Variants in FGF12 observed in about 807,000 individuals in gnomAD.
FGF12 encodes the protein fibroblast growth factor 12B.
A neutral mutation model predicts 23.6 loss-of-function variants in FGF12; 14 were observed. The observed-to-expected ratio is 0.59, with a 90% CI of 0.39 to 0.93. The LOEUF (loss-of-function observed/expected upper bound fraction) is 0.93, where lower values mean the gene tolerates loss of function less well. Ranked by LOEUF, FGF12 falls within the 40% of genes least tolerant of loss-of-function variation. FGF12 has a pLI of 0.00. For synonymous variants in FGF12, 62 were observed against 77.3 expected (o/e 0.80, Z 1.04); for missense variants, 175 against 217.8 (o/e 0.80, Z 1.24).
At chr3:192,665,159 T>C (rs1716818070) in intron 2 of FGF12, among the ~76,000 whole-genome samples, 1 of 152,172 alleles carries the variant, frequency 6.6e-6, no homozygotes, top group African/African-American at 2.4e-5. Flanking sequence ...AAATGCATGT[T>C]ACACATTAGT....
At chr3:192,440,123 T>C (rs1722161549) in intron 2 of FGF12, among the ~76,000 whole-genome samples, 1 of 152,068 alleles carries the variant, frequency 6.6e-6, no homozygotes, top group South Asian at 2.1e-4. Context: ...GTAGGAAGAC[T>C]GCCATGTGAA....
intron 2 of FGF12, among the ~76,000 whole-genome samples, chr3:192,667,788 G>A (rs1447111614): frequency 1.3e-5 from 2 of 151,976 alleles, no homozygotes; most frequent in South Asian, 2.1e-4. Context: ...AACAGGAGGC[G>A]AGAGGTCAGA....
Position 192,599,851 on chromosome 3 carries a change from A to G in FGF12, c.13+127330T>C, listed in dbSNP as rs1292175947. Among the ~76,000 whole-genome samples, 4 of 152,124 alleles carry G rather than the reference A, an allele frequency of 2.6e-5. No homozygotes were observed. In the East Asian group the frequency reaches 7.7e-4, roughly 29 times the overall value. ...AGTATCCAACTATATGACATTATAG[A>G]GAAAAAAAGTGTGGAGATAGTAAAG... On this transcript the variant is annotated intron_variant, in intron 2 of 5. Coordinates refer to ENST00000445105, the MANE Select transcript of FGF12 (RefSeq NM_004113.6).
At chr3:192,272,827 C>G (rs1444151569) in intron 4 of FGF12, among the ~76,000 whole-genome samples, 5 of 152,164 alleles carry the variant, frequency 3.3e-5, no homozygotes. Context: ...CTTTCCCAGT[C>G]TGATGCTCCT....
chr3:192,492,958 T>TTA (rs1723843880), intron 2 of FGF12, among the ~76,000 whole-genome samples: 2 of 125,470 alleles, frequency 1.6e-5, no homozygotes, highest in African/African-American at 8.3e-5. Context: ...TTTTTGTAAT[T>TTA]TTTTTTTTTT....
At chr3:192,178,011 GA>G (rs1715953256) in intron 4 of FGF12, among the ~76,000 whole-genome samples, 1 of 151,354 alleles carries the variant, frequency 6.6e-6, no homozygotes, top group East Asian at 2.0e-4. Flanking sequence ...ACAGTTCTGG[GA>G]ATTAAACAAC....
intron 2 of FGF12, among the ~76,000 whole-genome samples, chr3:192,376,381 AGACT>A (rs1259736309): frequency 4.6e-5 from 7 of 150,936 alleles, no homozygotes; most frequent in African/African-American, 1.7e-4. Flanking sequence ...TATTTTTTTG[AGACT>A]GAGTTTCACT....
chr3:192,714,537 G>A (rs1423150771), intron 2 of FGF12, among the ~76,000 whole-genome samples: 197 of 15,036 alleles, frequency 0.013, no homozygotes, highest in African/African-American at 0.054. Context: ...TTTTTTTTTT[G>A]AGACGGAATC....
intron 2 of FGF12, among the ~76,000 whole-genome samples, chr3:192,538,773 A>G (rs1237679804): frequency 3.3e-5 from 5 of 152,236 alleles, no homozygotes; most frequent in African/African-American, 9.6e-5. Flanking sequence ...ATCCATGAAC[A>G]TGGAATATCT....
At chr3:192,688,695 C>T (rs1717845392) in intron 2 of FGF12, among the ~76,000 whole-genome samples, 1 of 152,048 alleles carries the variant, frequency 6.6e-6, no homozygotes, top group Non-Finnish European at 1.5e-5. Context: ...TTCTGAAAAA[C>T]TAAAAATACT....
At chr3:192,277,926 C>G (rs151043545) in intron 4 of FGF12, among the ~76,000 whole-genome samples, 192 of 152,286 alleles carry the variant, frequency 1.3e-3, no homozygotes, top group African/African-American at 4.5e-3. Flanking sequence ...CCATGCCCAG[C>G]TAATTTTTGT....
intron 2 of FGF12, among the ~76,000 whole-genome samples, chr3:192,696,966 T>C (rs1463277200): frequency 1.3e-5 from 2 of 152,184 alleles, no homozygotes; most frequent in Admixed American, 1.3e-4. Context: ...AGGTGCTTTC[T>C]ATTTAGTACA....
intron 2 of FGF12, among the ~76,000 whole-genome samples, chr3:192,681,334 G>A (rs1303345228): frequency 6.6e-6 from 1 of 152,226 alleles, no homozygotes; most frequent in East Asian, 1.9e-4. Context: ...CACTCTGAGT[G>A]CCTATGTAGA....
At chr3:192,380,317 A>G (rs1162879829) in intron 2 of FGF12, among the ~76,000 whole-genome samples, 3 of 152,084 alleles carry the variant, frequency 2.0e-5, no homozygotes, top group Non-Finnish European at 2.9e-5. Context: ...AGAGTTCTAG[A>G]CTTAATATTG....
chr3:192,641,784 T>C (rs1355563608), intron 2 of FGF12, among the ~76,000 whole-genome samples: 1 of 152,210 alleles, frequency 6.6e-6, no homozygotes, highest in Non-Finnish European at 1.5e-5. Flanking sequence ...ATTTCCATGC[T>C]CCTAAATAAA....
chr3:192,555,731 G>A (rs1465444306), intron 2 of FGF12, among the ~76,000 whole-genome samples: 2 of 151,420 alleles, frequency 1.3e-5, no homozygotes, highest in Admixed American at 6.6e-5. Context: ...CCGGGAGGTG[G>A]AGATTGCAGC....
chr3:192,663,872 C>T (rs893603617), intron 2 of FGF12, among the ~76,000 whole-genome samples: 1 of 152,194 alleles, frequency 6.6e-6, no homozygotes, highest in Middle Eastern at 3.4e-3. Context: ...TGACAACATC[C>T]GTTTGTTCTG....
In FGF12 at chr3:192,141,465, A is replaced by C. The variant is rs1713380773; in HGVS notation, c.*2544T>G. ...TATGTGTAAAAGAAATCAGGTTTCC[A>C]ATTAATTCTCTGAACTAAACTGGAA... On this transcript the variant is annotated 3_prime_UTR_variant, in exon 6 of 6. Coordinates refer to ENST00000445105, the MANE Select transcript of FGF12 (RefSeq NM_004113.6). 1 of 152,050 alleles carries C rather than the reference A, an allele frequency of 6.6e-6. No homozygotes were observed. The highest frequency in any genetic ancestry group is 1.5e-5 in the Non-Finnish European group (1 of 67,886). 9.4% of individuals were successfully genotyped at this position (152,050 alleles called of 1,614,324 possible). A position where few individuals can be genotyped will look rare whatever the true frequency, so the allele number is the denominator to read the frequency against.
chr3:192,556,024 A>G (rs1711756839), intron 2 of FGF12, among the ~76,000 whole-genome samples: 2 of 152,296 alleles, frequency 1.3e-5, no homozygotes, highest in Admixed American at 6.5e-5. Flanking sequence ...CACCAAAGAA[A>G]GTGAGCAATA....
Sources: allele counts gnomAD v4.1 joint callset (sites outside exome capture counted in the v4.1 genomes callset), GRCh38; gene constraint gnomAD v4.1.1; transcripts MANE v1.5; gene names NCBI Gene and HGNC (gene_info 2026-07-23, HGNC 2026-07-21).